Variants in TOX observed in about 807,000 individuals in gnomAD.
TOX encodes thymocyte selection-associated high mobility group box protein TOX.
A neutral mutation model predicts 53.7 loss-of-function variants in TOX; 11 were observed. The ratio of observed to expected loss-of-function variants is 0.20; its 90% CI spans 0.13 to 0.34. The LOEUF is 0.34. Among genes scored for constraint, TOX ranks in the 10% least tolerant of loss-of-function variants. The pLI, the probability that TOX is intolerant of heterozygous loss-of-function variation, is 1.00. For missense variants in TOX, 570 were observed against 664.6 expected (o/e 0.86, Z 1.56); for synonymous variants, 225 against 245.3 (o/e 0.92, Z 0.77).
intron 1 of TOX, among the ~76,000 whole-genome samples, chr8:59,040,927 TC>T (rs1803577548): frequency 6.6e-6 from 1 of 152,164 alleles, no homozygotes; most frequent in Admixed American, 6.5e-5. Context: ...CACCCTTGCT[TC>T]AAAGCCTCCA....
chr8:59,106,603 C>T (rs1285615184), intron 1 of TOX, among the ~76,000 whole-genome samples: 1 of 152,074 alleles, frequency 6.6e-6, no homozygotes, highest in East Asian at 1.9e-4. Context: ...CATTTTTTGG[C>T]ACGGCTGACC....
At chr8:59,043,170 A>C (rs569543449) in intron 1 of TOX, among the ~76,000 whole-genome samples, 1 of 147,310 alleles carries the variant, frequency 6.8e-6, no homozygotes, top group South Asian at 2.2e-4. Context: ...TTATCTCAAA[A>C]CTCTTGTTTT....
intron 3 of TOX, among the ~76,000 whole-genome samples, chr8:58,858,804 T>C (rs1015021097): frequency 1.3e-5 from 2 of 152,228 alleles, no homozygotes; most frequent in African/African-American, 4.8e-5. Flanking sequence ...GAAAAACTTC[T>C]GAGCCTTGCT....
chr8:59,081,547 T>A (rs1804408496), intron 1 of TOX, among the ~76,000 whole-genome samples: 2 of 152,202 alleles, frequency 1.3e-5, no homozygotes. Context: ...AGCTTTAAGT[T>A]TCACATTGTG....
intron 3 of TOX, among the ~76,000 whole-genome samples, chr8:58,913,103 T>C (rs1296398654): frequency 6.6e-6 from 1 of 152,182 alleles, no homozygotes; most frequent in Admixed American, 6.5e-5. Flanking sequence ...TTTGGTGAGA[T>C]TTGGCTCTCT....
intron 3 of TOX, among the ~76,000 whole-genome samples, chr8:58,912,450 G>A (rs978754120): frequency 2.0e-5 from 3 of 152,076 alleles, no homozygotes; most frequent in Admixed American, 6.5e-5. Flanking sequence ...TCAAAGGGCC[G>A]GCTGACTAAA....
At chr8:58,837,118 T>G (rs1048363878) in intron 5 of TOX, among the ~76,000 whole-genome samples, 3 of 152,218 alleles carry the variant, frequency 2.0e-5, no homozygotes, top group African/African-American at 7.2e-5. Flanking sequence ...TCTAGATGCA[T>G]AAATAAGTGT....
At chr8:58,838,000 A>G in intron 5 of TOX, 81 bp downstream of exon 5, 1 of 1,336,012 alleles carries the variant, frequency 7.5e-7, no homozygotes, top group Admixed American at 2.0e-5. Flanking sequence ...TAAAGAATTT[A>G]CCCCAAGCCC....
intron 1 of TOX, among the ~76,000 whole-genome samples, chr8:59,084,549 A>C (rs1804474733): frequency 6.6e-6 from 1 of 152,200 alleles, no homozygotes; most frequent in Admixed American, 6.5e-5. Flanking sequence ...TAGCATTAAC[A>C]CTGATGAAAT....
intron 3 of TOX, among the ~76,000 whole-genome samples, chr8:58,871,729 C>T (rs1190420973): frequency 6.6e-6 from 1 of 152,098 alleles, no homozygotes; most frequent in African/African-American, 2.4e-5. Flanking sequence ...AAGTTTCTCA[C>T]TATTGTGGTG....
chr8:59,029,807 T>C (rs1274489267), intron 1 of TOX, among the ~76,000 whole-genome samples: 1 of 152,210 alleles, frequency 6.6e-6, no homozygotes, highest in Non-Finnish European at 1.5e-5. Flanking sequence ...CCAACTCATC[T>C]TCCAACCCAT....
chr8:58,950,691 G>C lies in TOX; in HGVS notation c.168+9252C>G, dbSNP rs1038444348. ...GAAGTGGGATTTCTAGGAAAGAGTGGAGGGAGGGTGAGATGTCTTCTGTGG... is the reference window on the plus strand; with the variant it reads ...GAAGTGGGATTTCTAGGAAAGAGTGCAGGGAGGGTGAGATGTCTTCTGTGG... On this transcript the variant is annotated intron_variant, in intron 2 of 8. Transcript: ENST00000361421. 2.6e-5 allele frequency among the ~76,000 whole-genome samples: 4 copies of C among 152,120 alleles called. No homozygotes were observed. The South Asian group carries it at 8.3e-4, about 32-fold the overall frequency.
At chr8:58,855,744 T>C (rs1810902630) in intron 3 of TOX, among the ~76,000 whole-genome samples, 1 of 152,198 alleles carries the variant, frequency 6.6e-6, no homozygotes, top group South Asian at 2.1e-4. Flanking sequence ...ACATGAAACC[T>C]TCCAAATGAA....
At chr8:58,846,714 G>T (rs1428328090) in intron 4 of TOX, among the ~76,000 whole-genome samples, 2 of 152,120 alleles carry the variant, frequency 1.3e-5, no homozygotes, top group African/African-American at 4.8e-5. Flanking sequence ...TGTATTAAAG[G>T]CAGCTTTCAT....
intron 1 of TOX, among the ~76,000 whole-genome samples, chr8:59,095,416 CT>C (rs558642304): frequency 5.9e-4 from 90 of 152,094 alleles, no homozygotes; most frequent in Middle Eastern, 3.4e-3. Flanking sequence ...TAAAAATAAT[CT>C]TTTTTTTGAG....
intron 3 of TOX, among the ~76,000 whole-genome samples, chr8:58,915,403 C>G (rs1486410947): frequency 1.2e-4 from 11 of 92,416 alleles, no homozygotes; most frequent in Non-Finnish European, 2.2e-4. Flanking sequence ...CCCTGACCCC[C>G]GAGCAGCCTA....
At chr8:59,063,516 C>A (rs112028938) in intron 1 of TOX, among the ~76,000 whole-genome samples, 2 of 151,266 alleles carry the variant, frequency 1.3e-5, no homozygotes, top group South Asian at 2.1e-4. Context: ...CTCCGCCTCC[C>A]GGGTTCAAGT....
At chr8:58,835,516 T>C (rs553888841) in intron 5 of TOX, among the ~76,000 whole-genome samples, 34 of 152,314 alleles carry the variant, frequency 2.2e-4, no homozygotes, top group African/African-American at 6.7e-4. Context: ...CTTAATATTC[T>C]CCTCTTGCTA....
chr8:59,001,126 A>G (rs1813681572), intron 1 of TOX, among the ~76,000 whole-genome samples: 1 of 152,186 alleles, frequency 6.6e-6, no homozygotes, highest in South Asian at 2.1e-4. Context: ...AAATACCTAC[A>G]AGAACTAAGA....
Sources: gnomAD v4.1 joint callset for allele counts (sites outside exome capture counted in the v4.1 genomes callset) on GRCh38, gnomAD v4.1.1 for gene constraint, MANE v1.5 for transcripts, NCBI Gene and HGNC (gene_info 2026-07-23, HGNC 2026-07-21) for gene names.